Variants in ENAH observed in about 807,000 individuals in gnomAD.
ENAH encodes protein enabled homolog.
In ENAH, 23 loss-of-function variants were observed where a neutral mutation model predicts 78.7. The observed-to-expected ratio is 0.29, with a 90% CI of 0.21 to 0.41. The LOEUF is 0.41. Among genes scored for constraint, ENAH ranks in the 10% least tolerant of loss-of-function variants. ENAH has a pLI of 1.00. For synonymous variants in ENAH, 226 were observed against 241.0 expected, an observed-to-expected ratio of 0.94 and a Z score of 0.58; for missense variants, 544 against 691.0, an observed-to-expected ratio of 0.79 and a Z score of 2.39.
intron 1 of ENAH, among the ~76,000 whole-genome samples, chr1:225,572,255 G>A (rs2096766772): frequency 6.6e-6 from 1 of 152,148 alleles, no homozygotes; most frequent in Admixed American, 6.5e-5. Context: ...CAGGTGTGAT[G>A]CACAAAATAA....
In ENAH at chr1:225,630,241, T is replaced by G. The variant is rs182788333; in HGVS notation, c.5+22445A>C. 1.4e-3 allele frequency among the ~76,000 whole-genome samples: 217 copies of G among 152,290 alleles called. 4 individuals carry two copies. The East Asian group carries it at 0.032, about 22-fold the overall frequency. ...TTGGAAAAGCTACAGAAAGTAATTT[T>G]TTTTTTAAATCAATGCTCTTAACCA... On this transcript the variant is annotated intron_variant, in intron 1 of 13. Coordinates refer to ENST00000366843, the MANE Select transcript of ENAH (RefSeq NM_018212.6).
At chr1:225,550,764 A>G (rs1447518850) in intron 3 of ENAH, among the ~76,000 whole-genome samples, 1 of 152,166 alleles carries the variant, frequency 6.6e-6, no homozygotes, top group Admixed American at 6.5e-5. Context: ...ACCCAGCAAA[A>G]GTAGTCTTTT....
chr1:225,517,234 T>C lies in ENAH; in HGVS notation c.875A>G (p.Gln292Arg), dbSNP rs1344955051. The C allele has an allele frequency of 1.9e-6, 3 of 1,549,492 alleles. No homozygotes were observed. Among genetic ancestry groups the C allele is most frequent in the Admixed American group, 2.0e-5 (1 of 50,948 alleles). Reference protein sequence around the residue: ...GDSSASEPGLQAASQPAETPS... With the variant: ...GDSSASEPGLRAASQPAETPS... ...AGTCTCGGCCGGCTGAGAGGCTGCC[T>C]GCAAGCCTGGCTCAGAAGCAGAAGA... The change falls in exon 6 of 14, where the codon CAG (glutamine) becomes CGG (arginine). Residue 292 changes from glutamine (Q) to arginine (R), a missense_variant. By Grantham distance (43) the Gln-to-Arg change is conservative. Coordinates refer to ENST00000366843, the MANE Select transcript of ENAH (RefSeq NM_018212.6).
intron 11 of ENAH, among the ~76,000 whole-genome samples, chr1:225,506,936 G>A (rs1207150528): frequency 6.6e-6 from 1 of 151,780 alleles, no homozygotes; most frequent in Non-Finnish European, 1.5e-5. Flanking sequence ...CAAAAATAAG[G>A]CAAATAGCTC....
At chr1:225,578,621 C>A (rs1174052206) in intron 1 of ENAH, among the ~76,000 whole-genome samples, 1 of 152,172 alleles carries the variant, frequency 6.6e-6, no homozygotes, top group East Asian at 1.9e-4. Context: ...AAAATTCAAG[C>A]AATGCTCTTT....
intron 1 of ENAH, among the ~76,000 whole-genome samples, chr1:225,581,854 A>T (rs1366018799): frequency 2.5e-5 from 2 of 81,136 alleles, no homozygotes; most frequent in African/African-American, 8.6e-5. Flanking sequence ...ACACCCAGCT[A>T]ATTTTTTTTT....
intron 1 of ENAH, among the ~76,000 whole-genome samples, chr1:225,576,292 A>AAC (rs1422930093): frequency 1.3e-5 from 2 of 150,008 alleles, no homozygotes; most frequent in South Asian, 2.1e-4. Flanking sequence ...AAAAAAAAAA[A>AAC]CCCAAAAAAC....
intron 1 of ENAH, among the ~76,000 whole-genome samples, chr1:225,577,720 T>C (rs1374292296): frequency 1.3e-5 from 2 of 152,190 alleles, no homozygotes; most frequent in Non-Finnish European, 1.5e-5. Flanking sequence ...CAAGATGGCA[T>C]GATTTAAAAG....
chr1:225,623,439 A>T (rs967890059), intron 1 of ENAH, among the ~76,000 whole-genome samples: 1 of 152,130 alleles, frequency 6.6e-6, no homozygotes, highest in Admixed American at 6.5e-5. Context: ...CAAAAATATG[A>T]TAATACTTCC....
In ENAH at chr1:225,511,873, T is replaced by TA. The variant is rs745517150; in HGVS notation, c.1423-15dup. 1 of 1,549,578 alleles carries TA rather than the reference T, an allele frequency of 6.5e-7. No homozygotes were observed. Among genetic ancestry groups the TA allele is most frequent in the Non-Finnish European group, 8.9e-7 (1 of 1,126,624 alleles). On this transcript the variant is annotated splice_polypyrimidine_tract_variant and intron_variant, in intron 9 of 13. Transcript: ENST00000366843. ...CTCTGAATCTTCCTAAATATACAGATATATATTAATATCACATCTACCAGT... is the reference window on the plus strand; with the variant it reads ...CTCTGAATCTTCCTAAATATACAGATAATATATTAATATCACATCTACCAGT...
rs139891050 is a variant in ENAH, at chr1:225,638,809, C to T, written c.5+13877G>A. Among the ~76,000 whole-genome samples, 459 of 152,168 alleles carry T rather than the reference C, an allele frequency of 3.0e-3. 4 individuals carry two copies. The highest frequency in any genetic ancestry group is 0.019 in the East Asian group (96 of 5,180). On this transcript the variant is annotated intron_variant, in intron 1 of 13. Transcript: ENST00000366843. Reference sequence around the variant, plus strand: ...ATGCAATAAATTAGAGAATCTATAACGACATATATGTAAAAATGTAATACA... The same window carrying T: ...ATGCAATAAATTAGAGAATCTATAATGACATATATGTAAAAATGTAATACA...
intron 1 of ENAH, among the ~76,000 whole-genome samples, chr1:225,583,031 G>A (rs534048637): frequency 1.4e-4 from 22 of 152,264 alleles, no homozygotes; most frequent in Middle Eastern, 6.8e-3. Flanking sequence ...AAACAAAAGA[G>A]AACAGAGACA....
At chr1:225,612,059 G>A (rs2096992719) in intron 1 of ENAH, among the ~76,000 whole-genome samples, 1 of 152,112 alleles carries the variant, frequency 6.6e-6, no homozygotes, top group South Asian at 2.1e-4. Context: ...TACCTATCAT[G>A]TAACCCGGCC....
chr1:225,597,655 CAAAAAA>C (rs565567062), intron 1 of ENAH, among the ~76,000 whole-genome samples: 9 of 61,180 alleles, frequency 1.5e-4, no homozygotes, highest in African/African-American at 4.2e-4. Flanking sequence ...AAGAGCATCT[CAAAAAA>C]AAAAAAAAAA....
In ENAH at chr1:225,640,952, A is replaced by G. The variant is rs367912615; in HGVS notation, c.5+11734T>C. Reference sequence around the variant, plus strand: ...GTTCTGTTGCCCAGGCTGGAGTGCAATGGCGCGATCTCGGCTCACTGCAAG... The same window carrying G: ...GTTCTGTTGCCCAGGCTGGAGTGCAGTGGCGCGATCTCGGCTCACTGCAAG... On this transcript the variant is annotated intron_variant, in intron 1 of 13. Coordinates refer to ENST00000366843, the MANE Select transcript of ENAH (RefSeq NM_018212.6). Among the ~76,000 whole-genome samples, 13 of 140,118 alleles carry G rather than the reference A, an allele frequency of 9.3e-5. No homozygotes were observed. In the East Asian group the frequency reaches 1.4e-3, roughly 16 times the overall value. 91.9% of individuals were successfully genotyped at this position (140,118 alleles called of 152,430 possible).
chr1:225,546,572 C>T (rs1213122201), intron 3 of ENAH, among the ~76,000 whole-genome samples: 1 of 152,140 alleles, frequency 6.6e-6, no homozygotes, highest in Non-Finnish European at 1.5e-5. Context: ...ATATTAGTTA[C>T]TCAAACAATT....
At chr1:225,641,989 C>G (rs1661149193) in intron 1 of ENAH, among the ~76,000 whole-genome samples, 1 of 151,974 alleles carries the variant, frequency 6.6e-6, no homozygotes, top group African/African-American at 2.4e-5. Flanking sequence ...CCACTGCACT[C>G]CGGCCTGGGG....
At chr1:225,638,805 A>G (rs1232300137) in intron 1 of ENAH, among the ~76,000 whole-genome samples, 4 of 152,258 alleles carry the variant, frequency 2.6e-5, no homozygotes, top group Non-Finnish European at 5.9e-5. Flanking sequence ...TAGAGAATCT[A>G]TAACGACATA....
At chr1:225,581,326 A>C in intron 1 of ENAH, 1 of 982,796 alleles carries the variant, frequency 1.0e-6, no homozygotes. Context: ...AATACTTTCC[A>C]AGCACCGTAG....
Sources: gnomAD v4.1 joint callset for allele counts (sites outside exome capture counted in the v4.1 genomes callset) on GRCh38, gnomAD v4.1.1 for gene constraint, MANE v1.5 for transcripts, NCBI Gene and HGNC (gene_info 2026-07-23, HGNC 2026-07-21) for gene names.